The following CNOT6 variants were observed in gnomAD, a reference collection of about 807,000 sequenced individuals.
CNOT6 encodes the protein carbon catabolite repression 4 protein.
In CNOT6, 12 loss-of-function variants were observed where a neutral mutation model predicts 61.2. The ratio of observed to expected loss-of-function variants is 0.20; its 90% CI spans 0.13 to 0.32. The LOEUF is 0.32. CNOT6 is among the 10% of genes least tolerant of loss of function. The probability of loss-of-function intolerance (pLI) is 1.00; values close to 1 mark genes in which losing one functional copy is unlikely to be tolerated. For missense variants in CNOT6, 405 were observed against 663.9 expected, an observed-to-expected ratio of 0.61 and a Z score of 4.28; for synonymous variants, 225 against 240.6, an observed-to-expected ratio of 0.94 and a Z score of 0.60.
intron 9 of CNOT6, 32 bp from the exon 10 acceptor site, chr5:180,569,078 C>T: frequency 1.3e-6 from 2 of 1,545,666 alleles, no homozygotes; most frequent in Non-Finnish European, 1.8e-6. Flanking sequence ...CGGGTTTTGT[C>T]TCTTTCTTTG....
At chr5:180,566,071 T>G in intron 7 of CNOT6, 94 bp downstream of exon 7, 1 of 1,184,854 alleles carries the variant, frequency 8.4e-7, no homozygotes, top group East Asian at 2.6e-5. Context: ...TTAGCTTCAG[T>G]AGTTCTTAAA....
intron 4 of CNOT6, among the ~76,000 whole-genome samples, chr5:180,560,015 C>T (rs1760087112): frequency 6.7e-6 from 1 of 149,966 alleles, no homozygotes; most frequent in Non-Finnish European, 1.5e-5. Context: ...GTGGCGCGAT[C>T]TCGGCTCACT....
chr5:180,540,542 T>TGA (rs1321602203), intron 2 of CNOT6, among the ~76,000 whole-genome samples: 8 of 152,230 alleles, frequency 5.3e-5, no homozygotes, highest in African/African-American at 1.9e-4. Flanking sequence ...TTACATGAGA[T>TGA]ATTCAACACT....
chr5:180,519,363 T>G (rs1469252331), intron 1 of CNOT6, among the ~76,000 whole-genome samples: 1 of 152,226 alleles, frequency 6.6e-6, no homozygotes, highest in Non-Finnish European at 1.5e-5. Flanking sequence ...TTGACATTAG[T>G]CACTCCATTT....
intron 1 of CNOT6, among the ~76,000 whole-genome samples, chr5:180,505,540 CTAGT>C (rs1287097616): frequency 7.8e-6 from 1 of 128,302 alleles, no homozygotes; most frequent in Non-Finnish European, 1.6e-5. Flanking sequence ...ACAGGTGGTA[CTAGT>C]TAATTTTTTT....
chr5:180,533,118 C>A (rs995522681), intron 2 of CNOT6, among the ~76,000 whole-genome samples: 3 of 152,018 alleles, frequency 2.0e-5, no homozygotes, highest in Non-Finnish European at 4.4e-5. Flanking sequence ...GTGTAGCATT[C>A]CTTCTTCTAA....
At chr5:180,559,030 A>T (rs961738759) in intron 4 of CNOT6, among the ~76,000 whole-genome samples, 1 of 152,218 alleles carries the variant, frequency 6.6e-6, no homozygotes, top group Non-Finnish European at 1.5e-5. Flanking sequence ...AGTTTGTTTG[A>T]TGGCCTAGGA....
In CNOT6 at chr5:180,575,583, A is replaced by G. The variant is rs562196803; in HGVS notation, c.*1383A>G. The G allele has an allele frequency of 5.2e-5, 8 of 152,650 alleles. No individual in the cohort carries two copies. Among genetic ancestry groups the G allele is most frequent in the Admixed American group, 4.6e-4 (7 of 15,288 alleles). 9.5% of individuals were successfully genotyped at this position (152,650 alleles called of 1,614,324 possible). A position where few individuals can be genotyped will look rare whatever the true frequency, so the allele number is the denominator to read the frequency against. ...AGACAATTCTTCAGATCATTTTTAAAATGACTAAGTCATTTTAGTATGTCA... is the reference window on the plus strand; with the variant it reads ...AGACAATTCTTCAGATCATTTTTAAGATGACTAAGTCATTTTAGTATGTCA... On this transcript the variant is annotated 3_prime_UTR_variant, in exon 12 of 12. Transcript: ENST00000261951.
chr5:180,529,119 G>T (rs538987018), intron 1 of CNOT6, among the ~76,000 whole-genome samples, 156 bp from the exon 2 acceptor site: 2 of 149,766 alleles, frequency 1.3e-5, no homozygotes, highest in South Asian at 4.2e-4. Context: ...TGAGGCAGAA[G>T]AATTGCTTGA....
At chr5:180,555,344 C>CT (rs1404479234) in intron 4 of CNOT6, among the ~76,000 whole-genome samples, 2 of 152,180 alleles carry the variant, frequency 1.3e-5, no homozygotes, top group African/African-American at 4.8e-5. Flanking sequence ...AGGAAAGCCT[C>CT]TAAGTGTAAA....
intron 2 of CNOT6, among the ~76,000 whole-genome samples, chr5:180,549,377 C>T (rs950418037): frequency 1.3e-5 from 2 of 152,184 alleles, no homozygotes; most frequent in South Asian, 2.1e-4. Flanking sequence ...TGGCCGGGCA[C>T]AGTGGCTCAT....
intron 1 of CNOT6, among the ~76,000 whole-genome samples, chr5:180,525,301 C>T (rs1758050346): frequency 6.6e-6 from 1 of 152,088 alleles, no homozygotes; most frequent in African/African-American, 2.4e-5. Context: ...CTTTGGGAGG[C>T]TGAGGCAGGT....
rs1554104992 is a variant in CNOT6, at chr5:180,577,163, A to ATGCGTGTGTGTG, written c.*2965_*2966insCGTGTGTGTGTG. ...AGATAGGCAGAGAACATCTCCAGAA[A>ATGCGTGTGTGTG]TGTGTGTGTGTGTGTGTGTGTGTGT... On this transcript the variant is annotated 3_prime_UTR_variant, in exon 12 of 12. Transcript: ENST00000261951. 1 of 145,656 alleles carries ATGCGTGTGTGTG rather than the reference A, an allele frequency of 6.9e-6. No individual in the cohort carries two copies. Among genetic ancestry groups the ATGCGTGTGTGTG allele is most frequent in the South Asian group, 2.3e-4 (1 of 4,378 alleles). 9.0% of individuals were successfully genotyped at this position (145,656 alleles called of 1,614,324 possible).
chr5:180,509,243 C>G (rs552748031), intron 1 of CNOT6, among the ~76,000 whole-genome samples: 1 of 152,110 alleles, frequency 6.6e-6, no homozygotes, highest in Non-Finnish European at 1.5e-5. Flanking sequence ...GCCGTCCTCC[C>G]GCCTCAGGCT....
At chr5:180,552,757 G>C (rs949211738) in intron 3 of CNOT6, among the ~76,000 whole-genome samples, 1 of 152,148 alleles carries the variant, frequency 6.6e-6, no homozygotes, top group African/African-American at 2.4e-5. Flanking sequence ...ACCCTTGAAG[G>C]TTCCTTTGAT....
intron 2 of CNOT6, among the ~76,000 whole-genome samples, chr5:180,539,104 G>A (rs1347702609): frequency 6.7e-6 from 1 of 150,018 alleles, no homozygotes; most frequent in Non-Finnish European, 1.5e-5. Flanking sequence ...GAACCCGGGA[G>A]GCAGTGGTTG....
chr5:180,564,451 A>G (rs772115667), intron 4 of CNOT6, 38 bp from the exon 5 acceptor site: 1 of 1,354,210 alleles, frequency 7.4e-7, no homozygotes, highest in South Asian at 1.2e-5. Flanking sequence ...ACATTTTATT[A>G]CTTAGTTTCA....
rs940055476 is a variant in CNOT6, at chr5:180,554,075, T to C, written c.385+604T>C. ...CAGCCTTGGGTAGGTGTGTCTAGCC[T>C]ACTGTACAGTTGCTTCTTCAAAAAA... On this transcript the variant is annotated intron_variant, in intron 4 of 11. Transcript: ENST00000261951. 6.6e-5 allele frequency among the ~76,000 whole-genome samples: 10 copies of C among 152,234 alleles called. 1 individual carries two copies. Among genetic ancestry groups the C allele is most frequent in the African/African-American group, 1.9e-4 (8 of 41,466 alleles).
intron 4 of CNOT6, among the ~76,000 whole-genome samples, chr5:180,557,898 A>C (rs963402820): frequency 2.7e-5 from 4 of 147,764 alleles, no homozygotes; most frequent in Admixed American, 6.7e-5. Flanking sequence ...GATTAGCTCA[A>C]GGTTCTTTTT....
Sources: allele counts gnomAD v4.1 joint callset (sites outside exome capture counted in the v4.1 genomes callset), GRCh38; gene constraint gnomAD v4.1.1; transcripts MANE v1.5; gene names NCBI Gene and HGNC (gene_info 2026-07-23, HGNC 2026-07-21).